TMIGD3: variants seen among roughly 807,000 people sequenced by gnomAD.
TMIGD3 encodes transmembrane and immunoglobulin domain containing 3.
Under a neutral mutation model 28.1 loss-of-function variants are expected in TMIGD3, and 21 were observed. The ratio of observed to expected loss-of-function variants is 0.75; its 90% confidence interval spans 0.53 to 1.08. TMIGD3 has a LOEUF of 1.08. Ranked by LOEUF, TMIGD3 falls within the 50% of genes least tolerant of loss-of-function variation. The pLI, the probability that TMIGD3 is intolerant of heterozygous loss-of-function variation, is 0.00. For synonymous variants in TMIGD3, 151 were observed against 162.1 expected, an observed-to-expected ratio of 0.93 and a Z score of 0.52; for missense variants, 416 against 435.6, an observed-to-expected ratio of 0.96 and a Z score of 0.40.
rs556305060 is a variant in TMIGD3 at position 111,562,082 on chromosome 1, ACAT to A, written c.107+1761_107+1763del. Among the ~76,000 whole-genome samples, 100 of 152,202 alleles carry A rather than the reference ACAT, an allele frequency of 6.6e-4. No individual in the cohort carries two copies. In the Middle Eastern group the frequency reaches 0.02, roughly 31 times the overall value. ...AGCCACCCCACCCTGTGATTCAATA[ACAT>A]CATATGTGTCTCCAGGTCTTTGCTT... is the stretch of plus-strand genomic sequence containing the variant. On this transcript the variant is annotated intron_variant, in intron 1 of 5. Coordinates refer to the TMIGD3 transcript ENST00000369717.
chr1:111,503,024 G>C lies in TMIGD3; in HGVS notation c.331C>G (p.Arg111Gly), dbSNP rs778435396. The C allele has an allele frequency of 6.2e-7, 1 of 1,613,970 alleles. No homozygotes were observed. The highest frequency in any genetic ancestry group is 8.5e-7 in the Non-Finnish European group (1 of 1,179,992). ...GGCTACCTGACGGTAAGCTTGACCC[G>C]CAAGTATCGGTCCACAGCGATGGCC... ...LLAIAVDRYLRVKLTVRFRIP... is the reference protein window; with the variant it reads ...LLAIAVDRYLGVKLTVRFRIP... Residue 111 changes from arginine to glycine, a missense_variant, in exon 1 of 6, where the codon CGG becomes GGG. Arg to Gly is a moderately radical substitution (Grantham distance 125). Transcript: ENST00000369716.
chr1:111,501,169 A>G (rs541185983), intron 1 of TMIGD3: 1 of 152,376 alleles, frequency 6.6e-6, no homozygotes, highest in Non-Finnish European at 1.5e-5. Context: ...AAATTATACT[A>G]TGCCTCCCCG....
At chr1:111,502,463 C>T (rs12137500) in intron 1 of TMIGD3, among the ~76,000 whole-genome samples, 44,993 of 98,272 alleles carry the variant, frequency 0.46, 12,820 homozygotes, top group Admixed American at 0.62. Flanking sequence ...ATATAGGATA[C>T]ATATATTTAT....
At chr1:111,522,222 G>A (rs1656089432) in intron 1 of TMIGD3, among the ~76,000 whole-genome samples, 1 of 152,128 alleles carries the variant, frequency 6.6e-6, no homozygotes, top group Non-Finnish European at 1.5e-5. Context: ...CTTTTTCAAA[G>A]TTGTTTTGGC....
chr1:111,546,572 T>A (rs1657041046), intron 1 of TMIGD3, among the ~76,000 whole-genome samples: 1 of 152,186 alleles, frequency 6.6e-6, no homozygotes, highest in Admixed American at 6.5e-5. Flanking sequence ...TCCTTAAGTT[T>A]CATCCATATT....
At position 111,488,817 on chromosome 1, in the gene TMIGD3, A is replaced by G; in HGVS notation, c.665T>C (p.Met222Thr). 6.2e-7 allele frequency: 1 copy of G among 1,614,254 alleles called. No individual in the cohort carries two copies. Among genetic ancestry groups the G allele is most frequent in the Non-Finnish European group, 8.5e-7 (1 of 1,180,044 alleles). Residue 222 changes from methionine to threonine, a missense_variant, in exon 3 of 6, where the codon ATG becomes ACG. Coordinates refer to ENST00000369716, the MANE Select transcript of TMIGD3 (RefSeq NM_020683.7). ...RDTGNQLIVTMSCLTKEDTGW... is the reference protein window; with the variant it reads ...RDTGNQLIVTTSCLTKEDTGW... ...CGTGTCCTCTTTGGTCAGGCAGGAC[A>G]TAGTGACAATGAGCTGGTTCCCTGT...
chr1:111,504,979 CCCACATCCCTG>C (rs1214038051), upstream of TMIGD3: 1 of 985,220 alleles, frequency 1.0e-6, no homozygotes, highest in African/African-American at 1.7e-5. Flanking sequence ...GTCAGTTCTG[CCCACATCCCTG>C]CACTGCTGGA....
chr1:111,483,759 T>C lies in TMIGD3; in HGVS notation c.974-2A>G. 1 of 1,613,536 alleles carries C rather than the reference T, an allele frequency of 6.2e-7. No homozygotes were observed. The highest frequency in any genetic ancestry group is 1.1e-5 in the South Asian group (1 of 91,066). ...AGAAGGGCTTCAAAGTGTTGCCTAC[T>C]TTGTTGGGGAATAGAAAGGGAAAAT... On this transcript the variant is annotated splice_acceptor_variant, in intron 5 of 5. Transcript: ENST00000369716. LOFTEE classifies it high-confidence loss of function.
At chr1:111,497,260 G>A (rs1025330491) in intron 1 of TMIGD3, among the ~76,000 whole-genome samples, 3 of 152,104 alleles carry the variant, frequency 2.0e-5, no homozygotes, top group Admixed American at 1.3e-4. Context: ...ACAGCTGCCC[G>A]CCACCACGCC....
Position 111,563,886 on chromosome 1 carries a change from G to A in TMIGD3, c.67C>T (p.Gln23Ter). The change falls in exon 1 of 6, where the codon CAG (glutamine) becomes TAG (stop). Residue 23 changes from glutamine to a stop codon, truncating the protein, a stop_gained. Coordinates refer to the TMIGD3 transcript ENST00000369717. LOFTEE classifies it high-confidence loss of function. ...AAGCAGCCCAGTGTCCAGTCTGGCT[G>A]CTCTTCCCAGGAGCTTTCCCACCTG... The A allele has an allele frequency of 6.2e-7, 1 of 1,613,624 alleles. No individual in the cohort carries two copies. The highest frequency in any genetic ancestry group is 8.5e-7 in the Non-Finnish European group (1 of 1,179,982).
chr1:111,526,565 A>T (rs920170885), intron 1 of TMIGD3, among the ~76,000 whole-genome samples: 1 of 152,192 alleles, frequency 6.6e-6, no homozygotes, highest in East Asian at 1.9e-4. Flanking sequence ...TATTAGCAGC[A>T]TGAAAATGGA....
At chr1:111,503,791 C>T (rs1024514593), upstream of TMIGD3, 91 of 1,007,736 alleles carry the variant, frequency 9.0e-5, no homozygotes, top group Non-Finnish European at 1.0e-4. Context: ...GAGCTCAGAA[C>T]TCTCAGCAAA....
chr1:111,539,401 G>A (rs377603111), intron 1 of TMIGD3, among the ~76,000 whole-genome samples: 115 of 152,238 alleles, frequency 7.6e-4, no homozygotes, highest in South Asian at 4.4e-3. Flanking sequence ...GAGTTCAAGC[G>A]ATTCTCTTGC....
At chr1:111,528,969 C>T (rs530029446) in intron 1 of TMIGD3, among the ~76,000 whole-genome samples, 83 of 152,062 alleles carry the variant, frequency 5.5e-4, no homozygotes, top group African/African-American at 1.2e-3. Flanking sequence ...CAGACAGTTT[C>T]GTTTCTTTCT....
At chr1:111,558,633 C>G (rs1397485789) in intron 1 of TMIGD3, among the ~76,000 whole-genome samples, 1 of 150,838 alleles carries the variant, frequency 6.6e-6, no homozygotes, top group Non-Finnish European at 1.5e-5. Context: ...TAATACATGA[C>G]TATCAGACAA....
chr1:111,558,570 G>T (rs1329260727), intron 1 of TMIGD3, among the ~76,000 whole-genome samples: 1 of 152,146 alleles, frequency 6.6e-6, no homozygotes, highest in African/African-American at 2.4e-5. Context: ...ACAAAGAAAG[G>T]TTGAAACTTA....
chr1:111,523,902 T>C (rs1336903446), intron 1 of TMIGD3, among the ~76,000 whole-genome samples: 2 of 151,842 alleles, frequency 1.3e-5, no homozygotes, highest in African/African-American at 2.4e-5. Flanking sequence ...AATCTGCTTT[T>C]GTTTCAACGA....
chr1:111,492,805 T>A (rs1466761359), intron 1 of TMIGD3, among the ~76,000 whole-genome samples: 1 of 110,158 alleles, frequency 9.1e-6, no homozygotes, highest in African/African-American at 3.6e-5. Context: ...CAGAGTGAGA[T>A]GCTGTCTCAA....
chr1:111,521,370 T>C (rs1656055842), intron 1 of TMIGD3, among the ~76,000 whole-genome samples: 1 of 152,218 alleles, frequency 6.6e-6, no homozygotes, highest in Non-Finnish European at 1.5e-5. Context: ...AAAATGATTA[T>C]ATCATTTTAC....
Sources: gnomAD v4.1 joint callset for allele counts (sites outside exome capture counted in the v4.1 genomes callset) on GRCh38, gnomAD v4.1.1 for gene constraint, MANE v1.5 for transcripts, NCBI Gene and HGNC (gene_info 2026-07-23, HGNC 2026-07-21) for gene names.